THRB: variants seen among roughly 807,000 people sequenced by gnomAD.
THRB encodes nuclear receptor subfamily 1 group A member 2.
Under a neutral mutation model 47.8 loss-of-function variants are expected in THRB, and 12 were observed. The ratio of observed to expected loss-of-function variants is 0.25; its 90% confidence interval spans 0.16 to 0.41. The LOEUF is 0.41. Among genes scored for constraint, THRB ranks in the 10% least tolerant of loss-of-function variants. THRB has a pLI of 1.00. For missense variants in THRB, 348 were observed against 589.2 expected (o/e 0.59, Z 4.24); for synonymous variants, 218 against 212.2 (o/e 1.03, Z -0.24).
At chr3:24,458,571 A>T (rs1224560054) in intron 1 of THRB, 1 of 152,174 alleles carries the variant, frequency 6.6e-6, no homozygotes, top group Non-Finnish European at 1.5e-5. Context: ...CAATTTAGCA[A>T]TTAGTTTCAA....
chr3:24,223,894 G>A (rs907955930), intron 4 of THRB, among the ~76,000 whole-genome samples: 1 of 147,922 alleles, frequency 6.8e-6, no homozygotes, highest in Non-Finnish European at 1.5e-5. Flanking sequence ...ATGTGTGTGT[G>A]GGGGGGGTAT....
At chr3:24,214,123 C>G (rs535170462) in intron 4 of THRB, among the ~76,000 whole-genome samples, 1 of 152,260 alleles carries the variant, frequency 6.6e-6, no homozygotes, top group African/African-American at 2.4e-5. Context: ...AAGCGACTTG[C>G]CCAAGGTCAC....
chr3:24,258,424 C>A (rs868577851), intron 3 of THRB, among the ~76,000 whole-genome samples: 7 of 152,170 alleles, frequency 4.6e-5, no homozygotes, highest in Admixed American at 4.6e-4. Flanking sequence ...TTTCTCCCAA[C>A]CCACAGTCCA....
At chr3:24,326,756 C>CTTTTTTT (rs1174687260) in intron 2 of THRB, among the ~76,000 whole-genome samples, 1 of 50,004 alleles carries the variant, frequency 2.0e-5, no homozygotes, top group Non-Finnish European at 3.4e-5. Flanking sequence ...CCAGTCTTGT[C>CTTTTTTT]TTTTTTTTTT....
At chr3:24,355,945 A>G (rs1325735076) in intron 1 of THRB, among the ~76,000 whole-genome samples, 1 of 152,140 alleles carries the variant, frequency 6.6e-6, no homozygotes, top group African/African-American at 2.4e-5. Flanking sequence ...ACAACTCTAA[A>G]GTCCAGAGTC....
At chr3:24,398,874 T>C (rs1389553469) in intron 1 of THRB, among the ~76,000 whole-genome samples, 2 of 152,118 alleles carry the variant, frequency 1.3e-5, no homozygotes, top group Non-Finnish European at 2.9e-5. Context: ...GTGGCACATA[T>C]ACACCATGGA....
intron 1 of THRB, among the ~76,000 whole-genome samples, chr3:24,455,888 G>C (rs188786686): frequency 6.6e-6 from 1 of 152,296 alleles, no homozygotes; most frequent in East Asian, 1.9e-4. Context: ...CTACTATTTT[G>C]ACATCACTGT....
In THRB at chr3:24,228,921, T is replaced by TAAA; in HGVS notation, c.22+14_22+16dup. On this transcript the variant is annotated intron_variant, in intron 4 of 10. Coordinates refer to ENST00000646209, the MANE Select transcript of THRB (RefSeq NM_001354712.2). Reference sequence around the variant, plus strand: ...AAAATGGAGGCACACAAAGAAAATGTAAAAAAAAAAAGATACCTGTCATAC... The same window carrying TAAA: ...AAAATGGAGGCACACAAAGAAAATGTAAAAAAAAAAAAAAGATACCTGTCATAC... 8.2e-7 allele frequency: 1 copy of TAAA among 1,221,986 alleles called. No homozygotes were observed. The highest frequency in any genetic ancestry group is 1.1e-6 in the Non-Finnish European group (1 of 885,914). 75.7% of individuals were successfully genotyped at this position (1,221,986 alleles called of 1,614,324 possible).
At chr3:24,132,586 C>A (rs951771439) in intron 9 of THRB, among the ~76,000 whole-genome samples, 3 of 152,196 alleles carry the variant, frequency 2.0e-5, no homozygotes, top group Non-Finnish European at 4.4e-5. Context: ...AGGATTCTTG[C>A]CCATGTAGCT....
chr3:24,239,819 G>C (rs754532295), intron 3 of THRB, among the ~76,000 whole-genome samples: 1 of 152,132 alleles, frequency 6.6e-6, no homozygotes, highest in Non-Finnish European at 1.5e-5. Flanking sequence ...TATACCTGGG[G>C]ACAGTCATGC....
At chr3:24,310,907 G>A (rs946282555) in intron 2 of THRB, among the ~76,000 whole-genome samples, 2 of 152,212 alleles carry the variant, frequency 1.3e-5, no homozygotes, top group African/African-American at 2.4e-5. Context: ...GCAGGACATT[G>A]TTTAACAAGA....
intron 2 of THRB, among the ~76,000 whole-genome samples, chr3:24,310,556 C>T (rs1321070319): frequency 4.6e-5 from 7 of 152,088 alleles, no homozygotes; most frequent in African/African-American, 1.2e-4. Context: ...TCAGTAGGTC[C>T]GGGTTGGGGT....
intron 5 of THRB, among the ~76,000 whole-genome samples, chr3:24,153,833 A>G (rs1023259133): frequency 3.9e-5 from 6 of 152,188 alleles, no homozygotes; most frequent in African/African-American, 1.2e-4. Flanking sequence ...CTTTCTCCCT[A>G]TCATGGTCCT....
At chr3:24,248,534 C>A (rs2150337576) in intron 3 of THRB, among the ~76,000 whole-genome samples, 1 of 152,242 alleles carries the variant, frequency 6.6e-6, no homozygotes, top group African/African-American at 2.4e-5. Context: ...CCCTTCTTTG[C>A]TCTATTCTGT....
chr3:24,183,679 C>CTTTTTTTTTTTTTTTTTT (rs35441182), intron 5 of THRB, among the ~76,000 whole-genome samples: 1 of 137,070 alleles, frequency 7.3e-6, no homozygotes, highest in African/African-American at 2.6e-5. Context: ...GGCCTTTCAT[C>CTTTTTTTTTTTTTTTTTT]TTTTTTTTTT....
intron 5 of THRB, among the ~76,000 whole-genome samples, chr3:24,159,221 T>C (rs1424505706): frequency 6.6e-6 from 1 of 152,182 alleles, no homozygotes; most frequent in African/African-American, 2.4e-5. Flanking sequence ...TAAACATACA[T>C]AAAAGGGAAG....
chr3:24,471,307 T>G (rs1184652994), intron 1 of THRB, among the ~76,000 whole-genome samples: 3 of 152,206 alleles, frequency 2.0e-5, no homozygotes, highest in Non-Finnish European at 1.5e-5. Context: ...GCAATCTGTA[T>G]GTTAACAAGC....
At chr3:24,161,654 A>ACACACACACACG (rs1553624014) in intron 5 of THRB, among the ~76,000 whole-genome samples, 1 of 151,384 alleles carries the variant, frequency 6.6e-6, no homozygotes, top group African/African-American at 2.4e-5. Flanking sequence ...ACACACACAC[A>ACACACACACACG]GACAGAATTC....
At chr3:24,493,687 T>A (rs1698537708) in intron 1 of THRB, among the ~76,000 whole-genome samples, 1 of 152,254 alleles carries the variant, frequency 6.6e-6, no homozygotes, top group Non-Finnish European at 1.5e-5. Context: ...TTGACTCACT[T>A]TATGAATTGT....
Sources: allele counts gnomAD v4.1 joint callset (sites outside exome capture counted in the v4.1 genomes callset), GRCh38; gene constraint gnomAD v4.1.1; transcripts MANE v1.5; gene names NCBI Gene and HGNC (gene_info 2026-07-23, HGNC 2026-07-21).